LIN7A: variants seen among roughly 807,000 people sequenced by gnomAD.
The protein encoded by LIN7A is protein lin-7 homolog A.
In LIN7A, 25 loss-of-function variants were observed where a neutral mutation model predicts 29.8. That is an observed-to-expected ratio of 0.84 (90% confidence interval 0.61 to 1.17). The LOEUF is 1.17. Ranked by LOEUF, LIN7A falls within the 50% of genes most tolerant of loss-of-function variation. The pLI is 0.00. For missense variants in LIN7A, 239 were observed against 287.0 expected, an observed-to-expected ratio of 0.83 and a Z score of 1.21; for synonymous variants, 118 against 107.5, an observed-to-expected ratio of 1.10 and a Z score of -0.60.
At chr12:80,864,482 A>T (rs1874040362) in intron 2 of LIN7A, among the ~76,000 whole-genome samples, 1 of 152,172 alleles carries the variant, frequency 6.6e-6, no homozygotes, top group Non-Finnish European at 1.5e-5. Flanking sequence ...GGAAGTAGAC[A>T]TGTGTTTTCA....
At chr12:80,927,860 C>T (rs1373308084) in intron 1 of LIN7A, among the ~76,000 whole-genome samples, 4 of 152,096 alleles carry the variant, frequency 2.6e-5, no homozygotes, top group African/African-American at 9.7e-5. Context: ...CCTCCCCATC[C>T]CCCCACCTCC....
chr12:80,906,851 A>T (rs1418552760), intron 1 of LIN7A, among the ~76,000 whole-genome samples: 1 of 152,130 alleles, frequency 6.6e-6, no homozygotes, highest in Non-Finnish European at 1.5e-5. Flanking sequence ...AGCAAAACAA[A>T]AAAGAACGGA....
intron 1 of LIN7A, among the ~76,000 whole-genome samples, chr12:80,928,644 C>T (rs940632548): frequency 2.6e-5 from 4 of 152,020 alleles, no homozygotes; most frequent in Non-Finnish European, 5.9e-5. Flanking sequence ...CTGTAGGTTG[C>T]CTGTTCTCTC....
At chr12:80,840,221 C>G (rs1872747413) in intron 4 of LIN7A, among the ~76,000 whole-genome samples, 3 of 152,140 alleles carry the variant, frequency 2.0e-5, no homozygotes, top group African/African-American at 7.2e-5. Flanking sequence ...GCATCCTTTA[C>G]CCAGCTTTCC....
chr12:80,920,977 A>G (rs943099655), intron 1 of LIN7A, among the ~76,000 whole-genome samples: 7 of 152,218 alleles, frequency 4.6e-5, no homozygotes, highest in Admixed American at 1.3e-4. Flanking sequence ...TGAGGCCAAG[A>G]TCATGTAATG....
rs185462347 is a variant in LIN7A at position 80,879,177 on chromosome 12, C to T, written c.201+10074G>A. ...CTATGTAACTATAGATTCACAGAAC[C>T]GGAAGGATCACAGGAGACTGACTAC... On this transcript the variant is annotated intron_variant, in intron 2 of 5. Coordinates refer to ENST00000552864, the MANE Select transcript of LIN7A (RefSeq NM_004664.4). Among the ~76,000 whole-genome samples the T allele has an allele frequency of 2.2e-3, 328 of 151,472 alleles. 2 individuals are homozygous for T. Among genetic ancestry groups the T allele is most frequent in the African/African-American group, 7.2e-3 (297 of 41,236 alleles).
intron 4 of LIN7A, among the ~76,000 whole-genome samples, chr12:80,837,667 T>G (rs1284803980): frequency 6.6e-6 from 1 of 152,134 alleles, no homozygotes; most frequent in Non-Finnish European, 1.5e-5. Context: ...CCACCGTGTG[T>G]GGTAATTTGT....
chr12:80,889,793 T>C (rs1241304376), intron 1 of LIN7A, among the ~76,000 whole-genome samples: 1 of 152,162 alleles, frequency 6.6e-6, no homozygotes, highest in Non-Finnish European at 1.5e-5. Context: ...GATTAATGGA[T>C]TGCTGTGTAT....
At chr12:80,827,100 C>A (rs928907268) in intron 4 of LIN7A, among the ~76,000 whole-genome samples, 5 of 152,218 alleles carry the variant, frequency 3.3e-5, no homozygotes, top group Non-Finnish European at 7.4e-5. Context: ...AATAACATCT[C>A]CTTCAGGGCT....
chr12:80,831,848 C>T (rs762398869), intron 4 of LIN7A, among the ~76,000 whole-genome samples: 4 of 152,112 alleles, frequency 2.6e-5, no homozygotes, highest in Non-Finnish European at 5.9e-5. Flanking sequence ...CCTAAGAGTG[C>T]ATAGCAAAAT....
rs910933794 is a variant in LIN7A, at chr12:80,853,783, G to C, written c.202-5461C>G. Among the ~76,000 whole-genome samples the C allele has an allele frequency of 8.8e-4, 133 of 151,952 alleles. 3 individuals are homozygous for C. Among genetic ancestry groups the C allele is most frequent in the Admixed American group, 8.3e-3 (127 of 15,250 alleles). On this transcript the variant is annotated intron_variant, in intron 2 of 5. Coordinates refer to ENST00000552864, the MANE Select transcript of LIN7A (RefSeq NM_004664.4). ...ACTATCTCGTCTCACTGTAATCTCT[G>C]CCTCCCAGATTCAAGCGATTCTGCT...
chr12:80,937,669 T>G lies in LIN7A; in HGVS notation c.54A>C (p.Thr18=). ...TGTCCAGGGTGAGCGGCTGGACCAC[T>G]GTCAATGTCGCCATGTCTGCCGTGG... ...SAPTADMATL[T]VVQPLTLDRD... The change falls in exon 1 of 6, where the codon ACA becomes ACC. Residue 18 remains threonine (T), a synonymous_variant. Coordinates refer to ENST00000552864, the MANE Select transcript of LIN7A (RefSeq NM_004664.4). 1 of 1,569,920 alleles carries G rather than the reference T, an allele frequency of 6.4e-7. No individual in the cohort carries two copies.
In LIN7A at chr12:80,889,245, C is replaced by A. The variant is rs747257582; in HGVS notation, c.201+6G>T. On this transcript the variant is annotated splice_donor_region_variant and intron_variant, in intron 2 of 5. Coordinates refer to ENST00000552864, the MANE Select transcript of LIN7A (RefSeq NM_004664.4). ...GAATTTAGTTATTAAAATTTTAGTG[C>A]CATACCTCTCGAATAGCTGTACAAA... is the stretch of plus-strand genomic sequence containing the variant. 7.2e-6 allele frequency: 11 copies of A among 1,517,370 alleles called. No individual in the cohort carries two copies. The South Asian group carries it at 1.1e-4, about 16-fold the overall frequency. 94.0% of individuals were successfully genotyped at this position (1,517,370 alleles called of 1,614,324 possible).
intron 2 of LIN7A, among the ~76,000 whole-genome samples, chr12:80,871,821 T>C (rs1222554190): frequency 1.3e-5 from 2 of 151,830 alleles, no homozygotes; most frequent in East Asian, 1.9e-4. Flanking sequence ...TTTTTATCAC[T>C]AGGAATTCAA....
chr12:80,823,210 C>T (rs1425459246), intron 4 of LIN7A, among the ~76,000 whole-genome samples: 2 of 152,212 alleles, frequency 1.3e-5, no homozygotes, highest in African/African-American at 2.4e-5. Flanking sequence ...GGCTGAAAGA[C>T]CTGTAACACA....
In LIN7A at chr12:80,906,305, A is replaced by G. The variant is rs182609683; in HGVS notation, c.83-16936T>C. Among the ~76,000 whole-genome samples, 417 of 152,138 alleles carry G rather than the reference A, an allele frequency of 2.7e-3. 2 individuals are homozygous for G. The highest frequency in any genetic ancestry group is 9.5e-3 in the African/African-American group (394 of 41,518). On this transcript the variant is annotated intron_variant, in intron 1 of 5. Coordinates refer to ENST00000552864, the MANE Select transcript of LIN7A (RefSeq NM_004664.4). The stretch of plus-strand genomic sequence containing the variant: ...TTCCTATCTCAGCTCTCACTCTACT[A>G]TTTGCATGTCATACTTCAGAGAAAA...
intron 1 of LIN7A, among the ~76,000 whole-genome samples, chr12:80,897,216 T>TTATTTGATGTCTTTCCTTTA (rs1212446073): frequency 6.6e-6 from 1 of 152,180 alleles, no homozygotes; most frequent in East Asian, 1.9e-4. Flanking sequence ...TTTCTCCTTA[T>TTATTTGATGTCTTTCCTTTA]TATTTGATGT....
intron 4 of LIN7A, among the ~76,000 whole-genome samples, chr12:80,813,277 C>T (rs539751082): frequency 5.3e-4 from 80 of 152,284 alleles, no homozygotes; most frequent in African/African-American, 1.9e-3. Flanking sequence ...TCCCAAAGTG[C>T]TGGGATTACA....
intron 4 of LIN7A, among the ~76,000 whole-genome samples, chr12:80,838,686 A>G (rs1019674838): frequency 2.6e-5 from 4 of 152,202 alleles, no homozygotes; most frequent in Admixed American, 2.6e-4. Flanking sequence ...GAGAAAGGTA[A>G]AGCATCTGCT....
Sources: gnomAD v4.1 joint callset for allele counts (sites outside exome capture counted in the v4.1 genomes callset) on GRCh38, gnomAD v4.1.1 for gene constraint, MANE v1.5 for transcripts, NCBI Gene and HGNC (gene_info 2026-07-23, HGNC 2026-07-21) for gene names.